Variants in PCDH15 observed in about 807,000 individuals in gnomAD.
The protein encoded by PCDH15 is protocadherin-15.
A neutral mutation model predicts 178.5 loss-of-function variants in PCDH15; 129 were observed. The observed-to-expected ratio is 0.72, with a 90% CI of 0.63 to 0.84. PCDH15 has a LOEUF of 0.84. Among genes scored for constraint, PCDH15 ranks in the 40% least tolerant of loss-of-function variants. The pLI, the probability that PCDH15 is intolerant of heterozygous loss-of-function variation, is 0.00. For missense variants in PCDH15, 2,230 were observed against 2,099.9 expected, an observed-to-expected ratio of 1.06 and a Z score of -1.21; for synonymous variants, 800 against 732.0, an observed-to-expected ratio of 1.09 and a Z score of -1.50.
At chr10:55,550,912 C>A (rs1322302298) in intron 2 of PCDH15, among the ~76,000 whole-genome samples, 1 of 152,038 alleles carries the variant, frequency 6.6e-6, no homozygotes, top group Non-Finnish European at 1.5e-5. Context: ...GACAGATGAA[C>A]TTCCTTCCAA....
At chr10:55,202,808 G>C (rs2085600435) in intron 1 of PCDH15, among the ~76,000 whole-genome samples, 1 of 152,086 alleles carries the variant, frequency 6.6e-6, no homozygotes, top group Non-Finnish European at 1.5e-5. Flanking sequence ...TAAGTGTTTG[G>C]AAGTTCCTGC....
intron 2 of PCDH15, among the ~76,000 whole-genome samples, chr10:55,514,986 G>GT (rs1840976710): frequency 8.5e-6 from 1 of 117,114 alleles, no homozygotes. Flanking sequence ...TAGATAGATA[G>GT]ATTTTTTTTT....
intron 3 of PCDH15, among the ~76,000 whole-genome samples, chr10:54,813,940 GA>G (rs1296631031): frequency 6.6e-6 from 1 of 151,780 alleles, no homozygotes; most frequent in Non-Finnish European, 1.5e-5. Context: ...TAGTGATTCT[GA>G]ACACTATTTA....
At chr10:54,878,953 G>A (rs145678107) in intron 3 of PCDH15, among the ~76,000 whole-genome samples, 544 of 152,014 alleles carry the variant, frequency 3.6e-3, no homozygotes, top group South Asian at 5.6e-3. Context: ...ATAATGCTTC[G>A]CCGAATTATT....
At chr10:53,979,647 C>A (rs992490345) in intron 21 of PCDH15, among the ~76,000 whole-genome samples, 1 of 152,128 alleles carries the variant, frequency 6.6e-6, no homozygotes, top group African/African-American at 2.4e-5. Flanking sequence ...TACTCATGGG[C>A]CTCACAATTG....
At chr10:54,100,210 C>T (rs2094783987) in intron 15 of PCDH15, among the ~76,000 whole-genome samples, 1 of 151,772 alleles carries the variant, frequency 6.6e-6, no homozygotes, top group Non-Finnish European at 1.5e-5. Context: ...ACTAAAAACA[C>T]AAAAATTTGC....
chr10:54,175,489 C>G (rs1195018383), intron 13 of PCDH15, among the ~76,000 whole-genome samples: 2 of 152,192 alleles, frequency 1.3e-5, no homozygotes, highest in East Asian at 1.9e-4. Flanking sequence ...GAGAATGGTA[C>G]AGTAATAATA....
At chr10:54,357,188 G>T (rs1365717418) in intron 5 of PCDH15, among the ~76,000 whole-genome samples, 1 of 152,044 alleles carries the variant, frequency 6.6e-6, no homozygotes, top group Non-Finnish European at 1.5e-5. Context: ...AGGAAATAAA[G>T]GGTATTCAAT....
At chr10:54,105,287 T>TAC (rs2094894129) in intron 15 of PCDH15, among the ~76,000 whole-genome samples, 1 of 64,116 alleles carries the variant, frequency 1.6e-5, no homozygotes, top group Non-Finnish European at 2.6e-5. Flanking sequence ...GATATATATA[T>TAC]ATATATATAT....
chr10:54,496,995 C>G (rs2080181968), intron 3 of PCDH15, among the ~76,000 whole-genome samples: 1 of 152,088 alleles, frequency 6.6e-6, no homozygotes, highest in Non-Finnish European at 1.5e-5. Context: ...CTCCTGCAGT[C>G]CCCTGGCACT....
At chr10:54,304,439 T>C (rs972648407) in intron 8 of PCDH15, among the ~76,000 whole-genome samples, 4 of 152,092 alleles carry the variant, frequency 2.6e-5, no homozygotes, top group African/African-American at 9.7e-5. Flanking sequence ...AGTATACCAA[T>C]GATTGCAAGT....
At chr10:54,980,461 A>C (rs891692909) in intron 2 of PCDH15, among the ~76,000 whole-genome samples, 1 of 151,954 alleles carries the variant, frequency 6.6e-6, no homozygotes, top group African/African-American at 2.4e-5. Context: ...ACAGAAAATT[A>C]TTTTCTGTTT....
chr10:55,039,865 A>C (rs1328710139), intron 2 of PCDH15, among the ~76,000 whole-genome samples: 1 of 152,136 alleles, frequency 6.6e-6, no homozygotes, highest in Non-Finnish European at 1.5e-5. Flanking sequence ...GACAAAAAGC[A>C]CAGGACTCTG....
intron 2 of PCDH15, among the ~76,000 whole-genome samples, chr10:54,629,165 C>A (rs2093635696): frequency 6.6e-6 from 1 of 151,910 alleles, no homozygotes; most frequent in Admixed American, 6.6e-5. Context: ...GAGTGCAAAA[C>A]TATTAAGTAA....
intron 21 of PCDH15, among the ~76,000 whole-genome samples, chr10:53,967,264 G>A (rs568244619): frequency 1.8e-4 from 27 of 152,098 alleles, no homozygotes; most frequent in East Asian, 5.8e-4. Flanking sequence ...GTTTGCTTCC[G>A]CTTCCACCAT....
intron 2 of PCDH15, among the ~76,000 whole-genome samples, chr10:55,373,324 C>A (rs1485922546): frequency 6.6e-6 from 1 of 152,094 alleles, no homozygotes; most frequent in Non-Finnish European, 1.5e-5. Context: ...ACAAGGTGAA[C>A]TACTTAGCTG....
intron 2 of PCDH15, among the ~76,000 whole-genome samples, chr10:55,507,108 A>G (rs1034166038): frequency 9.9e-5 from 15 of 151,652 alleles, no homozygotes; most frequent in African/African-American, 3.6e-4. Flanking sequence ...TTGAAATTGC[A>G]TAAGATCAAA....
At chr10:54,626,842 C>A (rs1296968209) in intron 2 of PCDH15, among the ~76,000 whole-genome samples, 1 of 152,134 alleles carries the variant, frequency 6.6e-6, no homozygotes, top group East Asian at 1.9e-4. Flanking sequence ...TGCAGACACT[C>A]AATACCAGCC....
intron 28 of PCDH15, among the ~76,000 whole-genome samples, chr10:53,850,916 G>A (rs2078314981): frequency 6.6e-6 from 1 of 152,002 alleles, no homozygotes; most frequent in East Asian, 1.9e-4. Flanking sequence ...AAACTCTTAA[G>A]GTATCTAGTG....
Sources: allele counts gnomAD v4.1 joint callset (sites outside exome capture counted in the v4.1 genomes callset), GRCh38; gene constraint gnomAD v4.1.1; transcripts MANE v1.5; gene names NCBI Gene and HGNC (gene_info 2026-07-23, HGNC 2026-07-21).